FRY: variants seen among roughly 807,000 people sequenced by gnomAD.
FRY encodes the protein protein furry homolog.
A neutral mutation model predicts 348.4 loss-of-function variants in FRY; 128 were observed. That is an observed-to-expected ratio of 0.37 (90% confidence interval 0.32 to 0.43). The LOEUF is 0.43. Among genes scored for constraint, FRY ranks in the 20% least tolerant of loss-of-function variants. The pLI is 1.00. For missense variants in FRY, 2,736 were observed against 3,695.2 expected, an observed-to-expected ratio of 0.74 and a Z score of 6.73; for synonymous variants, 1,370 against 1,374.7, an observed-to-expected ratio of 1.00 and a Z score of 0.08.
chr13:32,288,590 G>C (rs1889186145), intron 58 of FRY, among the ~76,000 whole-genome samples: 1 of 152,188 alleles, frequency 6.6e-6, no homozygotes, highest in Non-Finnish European at 1.5e-5. Flanking sequence ...AAACAGATGG[G>C]AGGAAACAGT....
At chr13:32,136,038 T>TAAAAA (rs1426084130) in intron 10 of FRY, among the ~76,000 whole-genome samples, 1 of 135,226 alleles carries the variant, frequency 7.4e-6, no homozygotes, top group African/African-American at 3.1e-5. Flanking sequence ...CTAAGTTAAT[T>TAAAAA]TAAAAAAAAA....
At chr13:32,071,537 T>A (rs993316002) in intron 1 of FRY, among the ~76,000 whole-genome samples, 1 of 152,240 alleles carries the variant, frequency 6.6e-6, no homozygotes, top group Admixed American at 6.5e-5. Context: ...TATATAGGAA[T>A]GCTTGTGATT....
rs780893720 is a variant in FRY at position 32,274,964 on chromosome 13, T to G, written c.8259T>G (p.Cys2753Trp). 1 of 1,613,966 alleles carries G rather than the reference T, an allele frequency of 6.2e-7. No individual in the cohort carries two copies. Among genetic ancestry groups the G allele is most frequent in the Non-Finnish European group, 8.5e-7 (1 of 1,179,880 alleles). ...SSQMLTSCSECPTLFVDAETL... is the reference protein window; with the variant it reads ...SSQMLTSCSEWPTLFVDAETL... ...AGATGCTCACCTCCTGCTCTGAATG[T>G]CCTACACTTTTTGTGGATGCCGAGA... The change falls in exon 56 of 61, where the codon TGT (cysteine) becomes TGG (tryptophan). Residue 2753 changes from cysteine to tryptophan, a missense_variant. By Grantham distance (215) the Cys-to-Trp change is radical (BLOSUM62 -2). Around this residue, in one of 9 missense-constraint regions of FRY, gnomAD observed 789 missense variants for 996.2 expected, o/e 0.79. Coordinates refer to ENST00000542859, the MANE Select transcript of FRY (RefSeq NM_023037.3).
chr13:32,262,797 T>G (rs1468047001), intron 53 of FRY, among the ~76,000 whole-genome samples: 1 of 152,208 alleles, frequency 6.6e-6, no homozygotes, highest in Non-Finnish European at 1.5e-5. Flanking sequence ...ACTGGGAAAC[T>G]GCTGATCTTT....
chr13:32,211,546 ATCC>A (rs1884686777), intron 34 of FRY, among the ~76,000 whole-genome samples: 1 of 152,198 alleles, frequency 6.6e-6, no homozygotes, highest in African/African-American at 2.4e-5. Flanking sequence ...TGGCTCAAGC[ATCC>A]TCCATCACAG....
At chr13:32,293,530 A>G (rs17514707) in intron 59 of FRY, among the ~76,000 whole-genome samples, 5,652 of 152,284 alleles carry the variant, frequency 0.037, 157 homozygotes, top group Non-Finnish European at 0.061. Context: ...AACTTGCATT[A>G]CAAAGAGGAA....
At chr13:32,206,516 T>C (rs1225815688) in intron 31 of FRY, among the ~76,000 whole-genome samples, 1 of 152,158 alleles carries the variant, frequency 6.6e-6, no homozygotes, top group East Asian at 1.9e-4. Context: ...AAAGAGAGGC[T>C]GGCCCTCCAG....
At chr13:32,110,082 T>C (rs1211505705) in intron 3 of FRY, among the ~76,000 whole-genome samples, 1 of 152,242 alleles carries the variant, frequency 6.6e-6, no homozygotes, top group African/African-American at 2.4e-5. Flanking sequence ...GGAAGGCTTT[T>C]GCTGCAATGG....
At chr13:32,203,421 T>C (rs1416726592) in intron 31 of FRY, among the ~76,000 whole-genome samples, 3 of 152,184 alleles carry the variant, frequency 2.0e-5, no homozygotes, top group Admixed American at 6.5e-5. Flanking sequence ...TAATGCAGAA[T>C]TGCTAAAGAA....
At chr13:32,249,709 G>A (rs1886980837) in intron 49 of FRY, 22 bp downstream of exon 49, 2 of 1,609,176 alleles carry the variant, frequency 1.2e-6, no homozygotes, top group Non-Finnish European at 1.7e-6. Context: ...TAGACCCACA[G>A]TCCTGGGAGG....
rs527852478 is a variant in FRY at position 32,227,252 on chromosome 13, A to G, written c.5207-1204A>G. 2.0e-5 allele frequency among the ~76,000 whole-genome samples: 3 copies of G among 152,352 alleles called. No homozygotes were observed. The South Asian group carries it at 6.2e-4, about 32-fold the overall frequency. The stretch of plus-strand genomic sequence containing the variant: ...TGGGAAATGTTCTTTTTTTATAAAT[A>G]TTTATTAAGCACCTAGTTTCAACTA... On this transcript the variant is annotated intron_variant, in intron 39 of 60. Transcript: ENST00000542859.
chr13:32,276,361 T>C, intron 56 of FRY, 103 bp from the exon 57 acceptor site: 1 of 755,284 alleles, frequency 1.3e-6, no homozygotes, highest in Non-Finnish European at 2.4e-6. Context: ...ATGACACTTG[T>C]ACCCCTTAAC....
intron 29 of FRY, among the ~76,000 whole-genome samples, chr13:32,201,105 C>A (rs1884002040): frequency 6.6e-6 from 1 of 152,172 alleles, no homozygotes; most frequent in African/African-American, 2.4e-5. Flanking sequence ...ACTGGCCTAG[C>A]CTCGCTTCCT....
intron 1 of FRY, among the ~76,000 whole-genome samples, chr13:32,058,649 G>A (rs561124890): frequency 1.4e-4 from 21 of 152,204 alleles, no homozygotes; most frequent in South Asian, 2.1e-4. Context: ...TACATTTGAC[G>A]GAGGAACAAG....
chr13:32,214,166 A>G (rs905044902), intron 35 of FRY, among the ~76,000 whole-genome samples: 19 of 152,062 alleles, frequency 1.2e-4, no homozygotes, highest in Non-Finnish European at 2.4e-4. Context: ...TTTTTTTTCT[A>G]TGAAAGTAGG....
chr13:32,109,285 G>C (rs1419460655), intron 3 of FRY, among the ~76,000 whole-genome samples: 1 of 152,114 alleles, frequency 6.6e-6, no homozygotes, highest in East Asian at 1.9e-4. Flanking sequence ...GCAAGGTGCT[G>C]AAGTCACAAA....
chr13:32,123,691 A>G (rs1878829212), intron 4 of FRY, among the ~76,000 whole-genome samples: 1 of 152,222 alleles, frequency 6.6e-6, no homozygotes, highest in Non-Finnish European at 1.5e-5. Context: ...AGAAAAGACC[A>G]CAAGGTGAGG....
intron 53 of FRY, 108 bp downstream of exon 53, chr13:32,262,583 T>G (rs1351328832): frequency 1.2e-6 from 1 of 819,016 alleles, no homozygotes; most frequent in Non-Finnish European, 2.0e-6. Flanking sequence ...AAAGACTATC[T>G]TTATCTTTTT....
At chr13:32,179,415 A>G (rs1201430743) in intron 22 of FRY, among the ~76,000 whole-genome samples, 1 of 151,962 alleles carries the variant, frequency 6.6e-6, no homozygotes, top group East Asian at 1.9e-4. Flanking sequence ...ATAGACTTAA[A>G]TGGTTTTAAA....
Sources: allele counts gnomAD v4.1 joint callset (sites outside exome capture counted in the v4.1 genomes callset), GRCh38; gene constraint gnomAD v4.1.1; regional missense constraint gnomAD v4.1.1; transcripts MANE v1.5; gene names NCBI Gene and HGNC (gene_info 2026-07-23, HGNC 2026-07-21).